The following AUH variants were observed in gnomAD, a reference collection of about 807,000 sequenced individuals.
AUH encodes the protein AU RNA binding methylglutaconyl-CoA hydratase, also known as methylglutaconyl-CoA hydratase, mitochondrial.
A neutral mutation model predicts 42.3 loss-of-function variants in AUH; 29 were observed. That is an observed-to-expected ratio of 0.69 (90% CI 0.51 to 0.93). The LOEUF (loss-of-function observed/expected upper bound fraction) is 0.93. Ranked by LOEUF, AUH falls within the 40% of genes least tolerant of loss-of-function variation. The pLI is 0.00. For synonymous variants in AUH, 174 were observed against 166.4 expected (o/e 1.05, Z -0.35); for missense variants, 452 against 438.1 (o/e 1.03, Z -0.28).
At chr9:91,291,901 C>T (rs755003964) in intron 6 of AUH, among the ~76,000 whole-genome samples, 34 of 121,446 alleles carry the variant, frequency 2.8e-4, no homozygotes, top group Middle Eastern at 6.1e-3. Flanking sequence ...TCCAGTCTGG[C>T]GACAGAGTGA....
At chr9:91,249,314 A>G (rs1828989033) in intron 6 of AUH, among the ~76,000 whole-genome samples, 1 of 150,766 alleles carries the variant, frequency 6.6e-6, no homozygotes, top group South Asian at 2.1e-4. Flanking sequence ...AAAAAAAAAA[A>G]AAAAAAAAAG....
chr9:91,323,884 C>A (rs1247244654), intron 4 of AUH, among the ~76,000 whole-genome samples: 1 of 151,974 alleles, frequency 6.6e-6, no homozygotes, highest in African/African-American at 2.4e-5. Flanking sequence ...ATTTTCTTAA[C>A]AAAATTTATA....
chr9:91,286,336 G>A (rs941245941), intron 6 of AUH, among the ~76,000 whole-genome samples: 5 of 152,186 alleles, frequency 3.3e-5, no homozygotes, highest in East Asian at 3.9e-4. Context: ...CCCTCACCCA[G>A]GGAGGGGAAA....
intron 5 of AUH, 117 bp from the exon 6 acceptor site, chr9:91,296,194 A>ATTATTTTTTTTTTTTT: frequency 9.8e-7 from 1 of 1,019,522 alleles, no homozygotes; most frequent in Non-Finnish European, 1.4e-6. Flanking sequence ...GATATCACAA[A>ATTATTTTTTTTTTTTT]TTCTTAAAAA....
At position 91,321,816 on chromosome 9, in the gene AUH, T is replaced by C. The variant is rs192160888; in HGVS notation, c.505+3502A>G. On this transcript the variant is annotated intron_variant, in intron 4 of 9. Transcript: ENST00000375731. ...AAATTTGGGTATGCATAAATAAAGC[T>C]GTATTGGAACAGAGCCACACACATT... is the stretch of plus-strand genomic sequence containing the variant. 7.2e-5 allele frequency among the ~76,000 whole-genome samples: 11 copies of C among 152,326 alleles called. 1 individual carries two copies. Among genetic ancestry groups the C allele is most frequent in the Non-Finnish European group, 1.5e-5 (1 of 68,016 alleles).
At chr9:91,256,276 G>A (rs2131412733) in intron 6 of AUH, among the ~76,000 whole-genome samples, 1 of 152,210 alleles carries the variant, frequency 6.6e-6, no homozygotes, top group East Asian at 1.9e-4. Flanking sequence ...AGATTATTCT[G>A]AAATATGACA....
rs183889427 is a variant in AUH, at chr9:91,321,903, G to A, written c.505+3415C>T. On this transcript the variant is annotated intron_variant, in intron 4 of 9. Transcript: ENST00000375731. ...AAGTCAGAGTTGTATAGCTGCAACA[G>A]AGACCATATGGCACCATAAAACCTA... is the stretch of plus-strand genomic sequence containing the variant. 2.5e-3 allele frequency among the ~76,000 whole-genome samples: 380 copies of A among 152,312 alleles called. 2 individuals carry two copies. The highest frequency in any genetic ancestry group is 4.0e-3 in the Non-Finnish European group (272 of 68,006).
intron 6 of AUH, among the ~76,000 whole-genome samples, chr9:91,271,221 C>A (rs1357236780): frequency 6.6e-6 from 1 of 152,158 alleles, no homozygotes; most frequent in African/African-American, 2.4e-5. Flanking sequence ...GAGCAGCATT[C>A]ATCAAAACAC....
intron 6 of AUH, among the ~76,000 whole-genome samples, chr9:91,260,600 C>G (rs571983890): frequency 2.6e-5 from 4 of 152,238 alleles, no homozygotes; most frequent in African/African-American, 9.6e-5. Flanking sequence ...GTACATATAC[C>G]TCTTAGATGC....
intron 1 of AUH, 124 bp downstream of exon 1, chr9:91,361,503 AC>A: frequency 1.5e-6 from 2 of 1,331,722 alleles, no homozygotes; most frequent in South Asian, 2.9e-5. Flanking sequence ...AAGGGGAGGG[AC>A]CCAGGTTCGG....
chr9:91,294,914 G>C (rs539807615), intron 6 of AUH: 1 of 389,766 alleles, frequency 2.6e-6, no homozygotes, highest in African/African-American at 2.1e-5. Flanking sequence ...GCTTCTTGTG[G>C]ATTGATCTGG....
chr9:91,298,551 T>C (rs895393961), intron 4 of AUH, among the ~76,000 whole-genome samples: 1 of 152,204 alleles, frequency 6.6e-6, no homozygotes, highest in African/African-American at 2.4e-5. Flanking sequence ...ACTGTCCAAG[T>C]AGTTGCTGTG....
intron 6 of AUH, among the ~76,000 whole-genome samples, chr9:91,238,195 AC>A (rs1326500932): frequency 6.6e-6 from 1 of 152,180 alleles, no homozygotes; most frequent in Non-Finnish European, 1.5e-5. Flanking sequence ...ACTGTTAGAA[AC>A]CAGGTTCCCT....
chr9:91,281,269 C>T (rs1825944856), intron 6 of AUH, among the ~76,000 whole-genome samples: 1 of 152,156 alleles, frequency 6.6e-6, no homozygotes, highest in Non-Finnish European at 1.5e-5. Flanking sequence ...TCTTCAGATT[C>T]ACTCACTCTC....
intron 3 of AUH, among the ~76,000 whole-genome samples, chr9:91,339,950 C>T (rs1454607433): frequency 6.6e-6 from 1 of 152,104 alleles, no homozygotes; most frequent in East Asian, 1.9e-4. Context: ...CTGGAATTTA[C>T]AGGGCAGATA....
chr9:91,270,227 A>G (rs1186526899), intron 6 of AUH, among the ~76,000 whole-genome samples: 1 of 152,174 alleles, frequency 6.6e-6, no homozygotes, highest in Non-Finnish European at 1.5e-5. Context: ...AGAGAGACCA[A>G]CTGGCAACAT....
At chr9:91,319,170 C>T (rs983887931) in intron 4 of AUH, among the ~76,000 whole-genome samples, 1 of 152,144 alleles carries the variant, frequency 6.6e-6, no homozygotes, top group African/African-American at 2.4e-5. Flanking sequence ...TGTGTTGACC[C>T]TAGGCACTGC....
intron 6 of AUH, among the ~76,000 whole-genome samples, chr9:91,263,360 G>A (rs941697170): frequency 2.0e-5 from 3 of 152,146 alleles, no homozygotes; most frequent in Non-Finnish European, 2.9e-5. Context: ...ATGTTTTCAG[G>A]AAAAAGTGTT....
intron 4 of AUH, among the ~76,000 whole-genome samples, chr9:91,298,671 C>T (rs985307294): frequency 2.0e-5 from 3 of 152,172 alleles, no homozygotes; most frequent in African/African-American, 7.2e-5. Flanking sequence ...AGAACCTGCT[C>T]ACAAGCATGC....
Sources: allele counts gnomAD v4.1 joint callset (sites outside exome capture counted in the v4.1 genomes callset), GRCh38; gene constraint gnomAD v4.1.1; transcripts MANE v1.5; gene names NCBI Gene and HGNC (gene_info 2026-07-23, HGNC 2026-07-21).